The following PHACTR1 variants were observed in gnomAD, a reference collection of about 807,000 sequenced individuals.
PHACTR1 encodes RPEL repeat containing 1.
PHACTR1 carries 16 observed loss-of-function variants against 69.2 expected under a neutral mutation model. That is an observed-to-expected ratio of 0.23 (90% CI 0.16 to 0.35). The LOEUF (loss-of-function observed/expected upper bound fraction) is 0.35, where lower values mean the gene tolerates loss of function less well. PHACTR1 is among the 10% of genes least tolerant of loss of function. PHACTR1 has a pLI of 1.00. For missense variants in PHACTR1, 510 were observed against 734.7 expected (o/e 0.69, Z 3.54); for synonymous variants, 312 against 284.5 (o/e 1.10, Z -0.97).
At chr6:12,905,234 C>G (rs7745645) in intron 4 of PHACTR1, among the ~76,000 whole-genome samples, 2,225 of 152,268 alleles carry the variant, frequency 0.015, 49 homozygotes, top group African/African-American at 0.05. Flanking sequence ...GGTGCAGGAC[C>G]AGTGTCCTCA....
chr6:12,834,331 T>C (rs1263172197), intron 4 of PHACTR1, among the ~76,000 whole-genome samples: 7 of 152,150 alleles, frequency 4.6e-5, no homozygotes, highest in Non-Finnish European at 1.5e-5. Flanking sequence ...AATACATCTA[T>C]AGATATGAGT....
chr6:12,872,972 T>C (rs1782195497), intron 4 of PHACTR1, among the ~76,000 whole-genome samples: 1 of 151,936 alleles, frequency 6.6e-6, no homozygotes, highest in African/African-American at 2.4e-5. Flanking sequence ...CCTTCCTTGC[T>C]TCCTTCCTTC....
At position 12,759,236 on chromosome 6, in the gene PHACTR1, C is replaced by T. The variant is rs372211142; in HGVS notation, c.250+9446C>T. ...ATTATAATTGAAATAAAATATTCTC[C>T]AAAATACACTTAAGGTGCAAATTAC... On this transcript the variant is annotated intron_variant, in intron 4 of 14. Coordinates refer to ENST00000332995, the MANE Select transcript of PHACTR1 (RefSeq NM_030948.6). 8.1e-4 allele frequency among the ~76,000 whole-genome samples: 123 copies of T among 151,464 alleles called. 1 individual carries two copies. The highest frequency in any genetic ancestry group is 1.4e-3 in the Non-Finnish European group (95 of 67,884).
chr6:13,120,294 A>G (rs890288129), intron 5 of PHACTR1, among the ~76,000 whole-genome samples: 37 of 151,460 alleles, frequency 2.4e-4, no homozygotes, highest in African/African-American at 8.7e-4. Context: ...CTGGAGAAAA[A>G]CATTCCATTT....
chr6:12,887,027 C>T (rs1303738997), intron 4 of PHACTR1, among the ~76,000 whole-genome samples: 2 of 152,108 alleles, frequency 1.3e-5, no homozygotes, highest in African/African-American at 4.8e-5. Context: ...TCTTCCTCCT[C>T]TTCCCCTTGT....
chr6:12,928,542 TCA>T (rs1451454791), intron 4 of PHACTR1, among the ~76,000 whole-genome samples: 1 of 152,234 alleles, frequency 6.6e-6, no homozygotes, highest in African/African-American at 2.4e-5. Context: ...TCTTCCGAGT[TCA>T]CAGAGTATTT....
intron 5 of PHACTR1, among the ~76,000 whole-genome samples, chr6:13,137,016 A>G (rs1821670315): frequency 6.6e-6 from 1 of 152,270 alleles, no homozygotes; most frequent in South Asian, 2.1e-4. Context: ...AAGTAAGCAC[A>G]TGCTGTTGAA....
rs578025396 is a variant in PHACTR1 at position 12,984,309 on chromosome 6, T to C, written c.251-69056T>C. Among the ~76,000 whole-genome samples the C allele has an allele frequency of 1.1e-3, 164 of 152,372 alleles. 1 individual carries two copies. The highest frequency in any genetic ancestry group is 3.9e-3 in the African/African-American group (161 of 41,590). Reference sequence around the variant, plus strand: ...AAAACCTAACTAGTCTGGGGCCATATAGTCAAGAGTGTGGCCTTTTTTGTT... The same window carrying C: ...AAAACCTAACTAGTCTGGGGCCATACAGTCAAGAGTGTGGCCTTTTTTGTT... On this transcript the variant is annotated intron_variant, in intron 4 of 14. Coordinates refer to ENST00000332995, the MANE Select transcript of PHACTR1 (RefSeq NM_030948.6).
rs560449678 is a variant in PHACTR1, at chr6:13,016,091, T to C, written c.251-37274T>C. Among the ~76,000 whole-genome samples, 10 of 152,342 alleles carry C rather than the reference T, an allele frequency of 6.6e-5. No individual in the cohort carries two copies. The South Asian group carries it at 1.7e-3, about 25-fold the overall frequency. On this transcript the variant is annotated intron_variant, in intron 4 of 14. Coordinates refer to ENST00000332995, the MANE Select transcript of PHACTR1 (RefSeq NM_030948.6). ...CAATAAAATTTCACTTTGGGCAAGATTGCCCTCCCATGATAGTCTGTAGGG... is the reference window on the plus strand; with the variant it reads ...CAATAAAATTTCACTTTGGGCAAGACTGCCCTCCCATGATAGTCTGTAGGG...
intron 5 of PHACTR1, among the ~76,000 whole-genome samples, chr6:13,154,334 A>G (rs1757867911): frequency 6.6e-6 from 1 of 151,866 alleles, no homozygotes; most frequent in Non-Finnish European, 1.5e-5. Context: ...TAATTTTTGT[A>G]TTTTTAGTAG....
chr6:13,118,804 G>A (rs1172876888), intron 5 of PHACTR1, among the ~76,000 whole-genome samples: 3 of 152,110 alleles, frequency 2.0e-5, no homozygotes, highest in Admixed American at 6.6e-5. Context: ...GGGCAGCATG[G>A]CGCAGTGGAA....
rs1554146339 is a variant in PHACTR1 at position 12,830,001 on chromosome 6, A to AAAAG, written c.250+80214_250+80217dup. Among the ~76,000 whole-genome samples, 548 of 142,758 alleles carry AAAAG rather than the reference A, an allele frequency of 3.8e-3. 22 individuals are homozygous for AAAAG. The highest frequency in any genetic ancestry group is 0.014 in the African/African-American group (525 of 37,478). 93.7% of individuals were successfully genotyped at this position (142,758 alleles called of 152,430 possible). On this transcript the variant is annotated intron_variant, in intron 4 of 14. Transcript: ENST00000332995. ...GAGAGAGAGAGAGAGAGAGAGAACG[A>AAAAG]AAAGAAGGAAGGAAGGAAAAGAAAG...
intron 5 of PHACTR1, among the ~76,000 whole-genome samples, chr6:13,130,129 C>T (rs1179879281): frequency 6.6e-6 from 1 of 151,974 alleles, no homozygotes; most frequent in Non-Finnish European, 1.5e-5. Flanking sequence ...CACAATTTAC[C>T]AAAACCTCTA....
chr6:13,040,022 C>G (rs945798578), intron 4 of PHACTR1, among the ~76,000 whole-genome samples: 4 of 152,092 alleles, frequency 2.6e-5, no homozygotes, highest in Middle Eastern at 3.2e-3. Context: ...TATGTTAATT[C>G]CTCTAAAAAT....
chr6:12,957,984 A>C (rs557914480), intron 4 of PHACTR1: 3 of 985,450 alleles, frequency 3.0e-6, no homozygotes, highest in East Asian at 2.3e-4. Flanking sequence ...GCCAGGAAAC[A>C]GACCCAGAGA....
In PHACTR1 at chr6:12,718,685, T is replaced by C. The variant is rs955659589; in HGVS notation, c.-46-14T>C. ...ACGTCTAAAATATTGTGGATTTTTTTTTCCTCTTTATAGGTGTTCCAGTGT... is the reference window on the plus strand; with the variant it reads ...ACGTCTAAAATATTGTGGATTTTTTCTTCCTCTTTATAGGTGTTCCAGTGT... On this transcript the variant is annotated splice_polypyrimidine_tract_variant and intron_variant, in intron 2 of 14. Coordinates refer to ENST00000332995, the MANE Select transcript of PHACTR1 (RefSeq NM_030948.6). 59 of 829,332 alleles carry C rather than the reference T, an allele frequency of 7.1e-5. No homozygotes were observed. Among genetic ancestry groups the C allele is most frequent in the Non-Finnish European group, 1.0e-4 (56 of 541,568 alleles). 51.4% of individuals were successfully genotyped at this position (829,332 alleles called of 1,614,324 possible). A position where few individuals can be genotyped will look rare whatever the true frequency, so the allele number is the denominator to read the frequency against.
chr6:12,984,112 G>A (rs1324039282), intron 4 of PHACTR1, among the ~76,000 whole-genome samples: 1 of 152,190 alleles, frequency 6.6e-6, no homozygotes, highest in East Asian at 1.9e-4. Flanking sequence ...GATCCTTGAG[G>A]AATCACCACA....
chr6:12,786,128 C>A (rs887873835), intron 4 of PHACTR1, among the ~76,000 whole-genome samples: 1 of 152,304 alleles, frequency 6.6e-6, no homozygotes, highest in East Asian at 1.9e-4. Context: ...TGAATGGGAC[C>A]TTTGTAGTAA....
At chr6:13,139,607 GGTCAA>G (rs1028874653) in intron 5 of PHACTR1, among the ~76,000 whole-genome samples, 20 of 152,108 alleles carry the variant, frequency 1.3e-4, no homozygotes, top group African/African-American at 4.3e-4. Context: ...CAAAGACAGA[GGTCAA>G]GTCAAGTTAC....
Sources: allele counts gnomAD v4.1 joint callset (sites outside exome capture counted in the v4.1 genomes callset), GRCh38; gene constraint gnomAD v4.1.1; transcripts MANE v1.5; gene names NCBI Gene and HGNC (gene_info 2026-07-23, HGNC 2026-07-21).